Variants in PELI1 observed in about 807,000 individuals in gnomAD.
PELI1 encodes E3 ubiquitin-protein ligase pellino homolog 1.
Under a neutral mutation model 41.3 loss-of-function variants are expected in PELI1, and 15 were observed. The ratio of observed to expected loss-of-function variants is 0.36; its 90% confidence interval spans 0.24 to 0.56. PELI1 has a LOEUF of 0.56. Ranked by LOEUF, PELI1 falls within the 20% of genes least tolerant of loss-of-function variation. The pLI, the probability that PELI1 is intolerant of heterozygous loss-of-function variation, is 0.82. For synonymous variants in PELI1, 178 were observed against 180.1 expected (o/e 0.99, Z 0.09); for missense variants, 403 against 525.5 (o/e 0.77, Z 2.28).
intron 1 of PELI1, among the ~76,000 whole-genome samples, chr2:64,139,197 G>C (rs551022724): frequency 6.6e-6 from 1 of 152,162 alleles, no homozygotes; most frequent in South Asian, 2.1e-4. Flanking sequence ...TTCATACATT[G>C]CATTTGGTGG....
chr2:64,108,517 C>G, intron 1 of PELI1, 138 bp from the exon 2 acceptor site: 1 of 468,804 alleles, frequency 2.1e-6, no homozygotes. Flanking sequence ...GACATTTTGC[C>G]CAATAATGAT....
At chr2:64,107,454 A>G (rs935340361) in intron 2 of PELI1, among the ~76,000 whole-genome samples, 2 of 152,200 alleles carry the variant, frequency 1.3e-5, no homozygotes, top group African/African-American at 2.4e-5. Context: ...CAGAGGCATT[A>G]TGCTGTCACC....
chr2:64,102,282 T>C (rs1680466980), intron 3 of PELI1, among the ~76,000 whole-genome samples: 1 of 152,150 alleles, frequency 6.6e-6, no homozygotes, highest in African/African-American at 2.4e-5. Context: ...CACATTTAGG[T>C]ATTCATATAT....
Position 64,098,118 on chromosome 2 carries a change from A to G in PELI1, c.304-1508T>C, listed in dbSNP as rs372096335. Among the ~76,000 whole-genome samples, 10 of 152,310 alleles carry G rather than the reference A, an allele frequency of 6.6e-5. No homozygotes were observed. In the East Asian group the frequency reaches 9.6e-4, roughly 15 times the overall value. On this transcript the variant is annotated intron_variant, in intron 4 of 6. Transcript: ENST00000358912. ...AGAGAATATTTAAGACACTGAAGCA[A>G]TATTTGTAATGACAATGAGAAGGAA...
At chr2:64,107,743 T>C (rs563558491) in intron 2 of PELI1, among the ~76,000 whole-genome samples, 1 of 152,132 alleles carries the variant, frequency 6.6e-6, no homozygotes, top group East Asian at 1.9e-4. Flanking sequence ...AGTGGCGCGA[T>C]CTCAGCTCAC....
chr2:64,112,301 G>C (rs992926527), intron 1 of PELI1, among the ~76,000 whole-genome samples: 2 of 152,126 alleles, frequency 1.3e-5, no homozygotes, highest in African/African-American at 2.4e-5. Flanking sequence ...TGAAAATGAA[G>C]GGACTAAAGT....
intron 1 of PELI1, among the ~76,000 whole-genome samples, chr2:64,136,384 T>C (rs1264095398): frequency 6.6e-6 from 1 of 151,956 alleles, no homozygotes; most frequent in Non-Finnish European, 1.5e-5. Flanking sequence ...TATCTATACA[T>C]ACACATGCAT....
intron 1 of PELI1, among the ~76,000 whole-genome samples, chr2:64,128,623 AAAATTCTTATTTT>A (rs1391103210): frequency 6.6e-6 from 1 of 152,164 alleles, no homozygotes; most frequent in Non-Finnish European, 1.5e-5. Context: ...AGGTTTTTAA[AAAATTCTTATTTT>A]GCTTCTACTG....
intron 1 of PELI1, among the ~76,000 whole-genome samples, chr2:64,110,512 ATAAAT>A (rs1680777643): frequency 6.6e-6 from 1 of 152,180 alleles, no homozygotes; most frequent in Non-Finnish European, 1.5e-5. Context: ...TAAACAGAAA[ATAAAT>A]AAATAAAAGA....
Position 64,094,624 on chromosome 2 carries a change from T to G in PELI1, c.*78A>C. The G allele has an allele frequency of 1.1e-6, 1 of 926,772 alleles. No individual in the cohort carries two copies. The highest frequency in any genetic ancestry group is 1.7e-6 in the Non-Finnish European group (1 of 600,526). The allele number at this position is 926,772 out of a possible 1,614,324, so 57.4% of individuals were successfully genotyped here. ...GCAAATGACCAGAGCAGAAAAACTG[T>G]GACGTGGACAACAGGTTCGAAAACC... On this transcript the variant is annotated 3_prime_UTR_variant, in exon 7 of 7. Transcript: ENST00000358912.
intron 1 of PELI1, among the ~76,000 whole-genome samples, chr2:64,114,579 T>C (rs906638938): frequency 2.6e-5 from 4 of 152,192 alleles, no homozygotes; most frequent in Admixed American, 2.6e-4. Context: ...CCAAATAGCA[T>C]GCTGATAGTA....
chr2:64,143,617 T>C (rs1251478899), intron 1 of PELI1: 1 of 152,174 alleles, frequency 6.6e-6, no homozygotes, highest in Admixed American at 6.5e-5. Flanking sequence ...GCAGAGATGA[T>C]GACAACAATC....
At chr2:64,131,578 G>T (rs76516588) in intron 1 of PELI1, among the ~76,000 whole-genome samples, 3,136 of 151,756 alleles carry the variant, frequency 0.021, 94 homozygotes, top group African/African-American at 0.07. Flanking sequence ...GAAACGACAG[G>T]ATCCTAACCG....
chr2:64,121,983 G>A (rs1434950703), intron 1 of PELI1, among the ~76,000 whole-genome samples: 2 of 151,222 alleles, frequency 1.3e-5, no homozygotes, highest in African/African-American at 4.9e-5. Context: ...AAGAAAAAAG[G>A]GTTAGAATAA....
chr2:64,101,293 T>G (rs1178970868), intron 3 of PELI1, among the ~76,000 whole-genome samples: 1 of 151,812 alleles, frequency 6.6e-6, no homozygotes, highest in Non-Finnish European at 1.5e-5. Flanking sequence ...AAAAATGCAT[T>G]TGGGATTTGG....
intron 1 of PELI1, among the ~76,000 whole-genome samples, chr2:64,121,821 C>G (rs1329059661): frequency 6.6e-6 from 1 of 151,410 alleles, no homozygotes; most frequent in Non-Finnish European, 1.5e-5. Flanking sequence ...AGGAGAATAG[C>G]TTGAACCCGG....
chr2:64,122,067 T>A (rs541269784), intron 1 of PELI1, among the ~76,000 whole-genome samples: 2 of 152,212 alleles, frequency 1.3e-5, no homozygotes, highest in East Asian at 3.9e-4. Flanking sequence ...ATATATGCTT[T>A]CTTTACAATG....
intron 1 of PELI1, among the ~76,000 whole-genome samples, chr2:64,120,816 T>C (rs972222514): frequency 2.6e-5 from 4 of 152,240 alleles, no homozygotes; most frequent in Non-Finnish European, 4.4e-5. Context: ...AAAATACTTT[T>C]GGTGGTGCTA....
At chr2:64,128,036 C>A (rs1681444218) in intron 1 of PELI1, among the ~76,000 whole-genome samples, 1 of 152,056 alleles carries the variant, frequency 6.6e-6, no homozygotes, top group Non-Finnish European at 1.5e-5. Flanking sequence ...CTCTGGCCAA[C>A]ATTTAGTAGA....
Sources: allele counts gnomAD v4.1 joint callset (sites outside exome capture counted in the v4.1 genomes callset), GRCh38; gene constraint gnomAD v4.1.1; transcripts MANE v1.5; gene names NCBI Gene and HGNC (gene_info 2026-07-23, HGNC 2026-07-21).